Variants in HSPA14 observed in about 807,000 individuals in gnomAD.
HSPA14 encodes heat shock protein family A (Hsp70) member 14, also known as heat shock 70 kDa protein 14.
A neutral mutation model predicts 65.5 loss-of-function variants in HSPA14; 37 were observed. The observed-to-expected ratio is 0.56, with a 90% CI of 0.43 to 0.74. The LOEUF is 0.74. HSPA14 is among the 30% of genes least tolerant of loss of function. The probability of loss-of-function intolerance (pLI) is 0.00; values close to 1 mark genes in which losing one functional copy is unlikely to be tolerated. For synonymous variants in HSPA14, 203 were observed against 214.2 expected (o/e 0.95, Z 0.46); for missense variants, 564 against 607.6 (o/e 0.93, Z 0.75).
chr10:14,858,028 C>T (rs1006210360), intron 10 of HSPA14, among the ~76,000 whole-genome samples: 1 of 151,950 alleles, frequency 6.6e-6, no homozygotes, highest in African/African-American at 2.4e-5. Flanking sequence ...GGTGCATGGG[C>T]TTGGAGACAG....
chr10:14,848,593 C>G lies in HSPA14; in HGVS notation c.222-16C>G, dbSNP rs772918903. On this transcript the variant is annotated splice_polypyrimidine_tract_variant and intron_variant, in intron 3 of 13. Coordinates refer to ENST00000378372, the MANE Select transcript of HSPA14 (RefSeq NM_016299.4). ...GATTTTAATACTTAGCTATCTTTAT[C>G]TTTCTTTATGGACAGCTCCAGTGAT... 1.3e-6 allele frequency: 2 copies of G among 1,596,618 alleles called. No individual in the cohort carries two copies. Among genetic ancestry groups the G allele is most frequent in the African/African-American group, 1.3e-5 (1 of 74,512 alleles).
chr10:14,858,007 C>T, intron 10 of HSPA14, among the ~76,000 whole-genome samples: 1 of 151,822 alleles, frequency 6.6e-6, no homozygotes, highest in Non-Finnish European at 1.5e-5. Context: ...GGTAGTAAAA[C>T]AGTGGTGGAA....
At chr10:14,856,058 T>G (rs948053132) in intron 10 of HSPA14, 115 bp downstream of exon 10, 18 of 658,434 alleles carry the variant, frequency 2.7e-5, no homozygotes, top group Middle Eastern at 3.9e-4. Context: ...TTTCTTAGAT[T>G]GTGTTAATGA....
chr10:14,870,901 C>T (rs1331891560), intron 13 of HSPA14, among the ~76,000 whole-genome samples: 3 of 152,144 alleles, frequency 2.0e-5, no homozygotes, highest in African/African-American at 7.2e-5. Flanking sequence ...TGGCTATCAT[C>T]AACCTAAGAA....
rs1834085923 is a variant in HSPA14 at position 14,848,847 on chromosome 10, T to A, written c.328T>A (p.Phe110Ile). ...YEIDTGEETK[F>I]VNPEDVARLI... is the part of the protein sequence containing the mutation. The stretch of plus-strand genomic sequence containing the variant: ...AATAGATACTGGAGAAGAAACAAAA[T>A]TTGTTAACCCAGAAGATGTTGCCAG... Residue 110 changes from phenylalanine (F) to isoleucine (I), a missense_variant, in exon 5 of 14, where the codon TTT (phenylalanine) becomes ATT (isoleucine). Phe to Ile is a conservative substitution (Grantham distance 21, BLOSUM62 0). Transcript: ENST00000378372. 6.3e-7 allele frequency: 1 copy of A among 1,595,764 alleles called. No individual in the cohort carries two copies. Among genetic ancestry groups the A allele is most frequent in the Non-Finnish European group, 8.6e-7 (1 of 1,166,512 alleles).
intron 10 of HSPA14, among the ~76,000 whole-genome samples, chr10:14,859,831 T>G (rs1832736919): frequency 1.3e-5 from 2 of 152,358 alleles, no homozygotes; most frequent in Middle Eastern, 3.4e-3. Context: ...ACCTTAATTG[T>G]TAACATTGCA....
intron 12 of HSPA14, among the ~76,000 whole-genome samples, chr10:14,868,293 A>T (rs539504486): frequency 6.6e-6 from 1 of 152,300 alleles, no homozygotes; most frequent in South Asian, 2.1e-4. Flanking sequence ...TTCTTGGTCA[A>T]GCTAGGGTTT....
At chr10:14,867,945 A>G (rs376270248) in intron 12 of HSPA14, 36 bp downstream of exon 12, 2 of 1,547,046 alleles carry the variant, frequency 1.3e-6, no homozygotes, top group Non-Finnish European at 1.8e-6. Flanking sequence ...AAACTGTTCA[A>G]CTTTGCTTTC....
rs564445005 is a variant in HSPA14, at chr10:14,863,815, T to C, written c.994-3268T>C. 6.4e-4 allele frequency among the ~76,000 whole-genome samples: 98 copies of C among 152,272 alleles called. No homozygotes were observed. In the Middle Eastern group the frequency reaches 0.01, roughly 16 times the overall value. On this transcript the variant is annotated intron_variant, in intron 10 of 13. Coordinates refer to ENST00000378372, the MANE Select transcript of HSPA14 (RefSeq NM_016299.4). ...GGTGCTTGAACTCACTTAGAAGGCC[T>C]TAGAGATGAGACATCTCAGGAAGTA...
At chr10:14,848,580 T>C in intron 3 of HSPA14, 29 bp from the exon 4 acceptor site, 1 of 1,549,580 alleles carries the variant, frequency 6.5e-7, no homozygotes, top group Non-Finnish European at 8.9e-7. Flanking sequence ...TTTTAATACT[T>C]AGCTATCTTT....
chr10:14,865,863 T>G (rs1436067632), intron 10 of HSPA14, among the ~76,000 whole-genome samples: 1 of 152,214 alleles, frequency 6.6e-6, no homozygotes, highest in Non-Finnish European at 1.5e-5. Context: ...AAGTCATTGG[T>G]AGCTTGATGG....
chr10:14,840,812 A>T lies in HSPA14; in HGVS notation c.221+655A>T, dbSNP rs564152066. 2.0e-5 allele frequency among the ~76,000 whole-genome samples: 3 copies of T among 152,302 alleles called. No homozygotes were observed. In the South Asian group the frequency reaches 6.2e-4, roughly 32 times the overall value. On this transcript the variant is annotated intron_variant, in intron 3 of 13. Transcript: ENST00000378372. ...TTGATAGAGTGTTTTTAAATTTTCA[A>T]AGTGCTTTCACATCTATTATTTTAT...
Position 14,842,248 on chromosome 10 carries a change from T to C in HSPA14, c.221+2091T>C. 1 of 1,535,468 alleles carries C rather than the reference T, an allele frequency of 6.5e-7. No individual in the cohort carries two copies. On this transcript the variant is annotated intron_variant, in intron 3 of 13. Transcript: ENST00000378372. The surrounding 1 kb of genome is among the most constrained non-coding windows in gnomAD (Gnocchi z 5.2). ...CCACACCTTCAGACTTGCACCTTGC[T>C]GTCCAGAAGCTGCCTAGCCCTCCTT...
chr10:14,859,893 ATTT>A (rs1306772390), intron 10 of HSPA14, among the ~76,000 whole-genome samples: 1 of 151,992 alleles, frequency 6.6e-6, no homozygotes, highest in Non-Finnish European at 1.5e-5. Flanking sequence ...CTTTAGAATT[ATTT>A]TTTTCAACTT....
intron 4 of HSPA14, 44 bp downstream of exon 4, chr10:14,848,701 T>G: frequency 8.6e-6 from 13 of 1,506,148 alleles, no homozygotes; most frequent in Non-Finnish European, 1.2e-5. Context: ...ATAGAGTAAT[T>G]ACCAAGGTGA....
chr10:14,864,128 G>C (rs1431680458), intron 10 of HSPA14, among the ~76,000 whole-genome samples: 2 of 151,618 alleles, frequency 1.3e-5, no homozygotes, highest in South Asian at 4.2e-4. Context: ...TGAAGCAGGA[G>C]GATCACTGGA....
At chr10:14,838,524 TC>T in intron 1 of HSPA14, 65 bp downstream of exon 1, 1 of 1,463,990 alleles carries the variant, frequency 6.8e-7, no homozygotes, top group Non-Finnish European at 9.3e-7. Context: ...CGCTGGGTCA[TC>T]CACAGGCTTG....
At chr10:14,846,738 G>C in intron 3 of HSPA14, 1 of 985,284 alleles carries the variant, frequency 1.0e-6, no homozygotes, top group Non-Finnish European at 1.2e-6. Context: ...GCACTGTCAT[G>C]TAACAAGTAG....
intron 10 of HSPA14, among the ~76,000 whole-genome samples, chr10:14,864,774 G>T (rs1056312357): frequency 6.6e-6 from 1 of 152,116 alleles, no homozygotes; most frequent in Admixed American, 6.5e-5. Context: ...GAATAGTACC[G>T]CAATGAACAT....
Sources: gnomAD v4.1 joint callset for allele counts (sites outside exome capture counted in the v4.1 genomes callset) on GRCh38, gnomAD v4.1.1 for gene constraint, Gnocchi (gnomAD v3.1) non-coding constraint, MANE v1.5 for transcripts, NCBI Gene and HGNC (gene_info 2026-07-23, HGNC 2026-07-21) for gene names.